Variants in ZNF708 observed in about 807,000 individuals in gnomAD.
ZNF708 encodes zinc finger protein 708, also known as ZNF15, ZNF15L1.
Under a neutral mutation model 47.0 loss-of-function variants are expected in ZNF708, and 44 were observed. The observed-to-expected ratio is 0.94, with a 90% CI of 0.74 to 1.20. ZNF708 has a LOEUF of 1.20. ZNF708 is among the 50% of genes most tolerant of loss of function. The pLI is 0.00. For missense variants in ZNF708, 557 were observed against 656.0 expected, an observed-to-expected ratio of 0.85 and a Z score of 1.65; for synonymous variants, 184 against 218.5, an observed-to-expected ratio of 0.84 and a Z score of 1.39.
At chr19:21,314,391 GTAT>G (rs78560009) in intron 1 of ZNF708, among the ~76,000 whole-genome samples, 2 of 151,940 alleles carry the variant, frequency 1.3e-5, no homozygotes, top group South Asian at 4.1e-4. Flanking sequence ...AGATAAATAT[GTAT>G]TATTAGCAAG....
chr19:21,319,060 A>G (rs1236892793), intron 1 of ZNF708, among the ~76,000 whole-genome samples: 2 of 152,210 alleles, frequency 1.3e-5, no homozygotes, highest in African/African-American at 2.4e-5. Context: ...AATTCAGTTT[A>G]AACATTTTAT....
chr19:21,297,337 T>C (rs1021589797), intron 3 of ZNF708, among the ~76,000 whole-genome samples: 36 of 136,458 alleles, frequency 2.6e-4, no homozygotes, highest in African/African-American at 9.5e-4. Context: ...GCTGGCATGA[T>C]CTCAGCTCAC....
At chr19:21,312,640 G>A (rs1033994415) in intron 1 of ZNF708, among the ~76,000 whole-genome samples, 3 of 152,138 alleles carry the variant, frequency 2.0e-5, no homozygotes, top group African/African-American at 7.2e-5. Context: ...AAATTCACTT[G>A]GTAATTTTGG....
At chr19:21,315,134 G>A (rs1006381666) in intron 1 of ZNF708, among the ~76,000 whole-genome samples, 1 of 152,116 alleles carries the variant, frequency 6.6e-6, no homozygotes, top group Non-Finnish European at 1.5e-5. Flanking sequence ...CTCCTAAGAT[G>A]TTTATTTATA....
chr19:21,315,272 T>C (rs1045705835), intron 1 of ZNF708, among the ~76,000 whole-genome samples: 14 of 152,210 alleles, frequency 9.2e-5, no homozygotes, highest in Non-Finnish European at 1.9e-4. Context: ...AAGGGAGCTG[T>C]AGGATGTCTA....
Position 21,329,032 on chromosome 19 carries a change from G to A in ZNF708, c.3+178C>T, listed in dbSNP as rs558562384. Among the ~76,000 whole-genome samples, 31 of 152,326 alleles carry A rather than the reference G, an allele frequency of 2.0e-4. 1 individual carries two copies. Among genetic ancestry groups the A allele is most frequent in the Middle Eastern group, 3.4e-3 (1 of 294 alleles). On this transcript the variant is annotated intron_variant, in intron 1 of 3. Transcript: ENST00000356929. ...GAAGAGACAGGACGCCCGGGGGCCC[G>A]GCTGTCGGCGCAGCCGCCATCTTAT...
Position 21,294,746 on chromosome 19 carries a change from G to A in ZNF708, c.227-7C>T. Reference sequence around the variant, plus strand: ...GCAAAATGAGAACACATAGCTGAAAGAAATAAAAATAACAAATTATTCCAT... The same window carrying A: ...GCAAAATGAGAACACATAGCTGAAAAAAATAAAAATAACAAATTATTCCAT... On this transcript the variant is annotated splice_region_variant and splice_polypyrimidine_tract_variant and intron_variant, in intron 3 of 3. Coordinates refer to ENST00000356929, the MANE Select transcript of ZNF708 (RefSeq NM_021269.3). 6.4e-7 allele frequency: 1 copy of A among 1,554,548 alleles called. No individual in the cohort carries two copies. Among genetic ancestry groups the A allele is most frequent in the East Asian group, 2.3e-5 (1 of 44,342 alleles).
chr19:21,329,116 A>C, intron 1 of ZNF708, 94 bp downstream of exon 1: 1 of 1,551,092 alleles, frequency 6.4e-7, no homozygotes, highest in Non-Finnish European at 8.9e-7. Flanking sequence ...GATTGTGGAG[A>C]TGACTGCGGG....
At chr19:21,324,919 T>G (rs1188621131) in intron 1 of ZNF708, among the ~76,000 whole-genome samples, 1 of 152,212 alleles carries the variant, frequency 6.6e-6, no homozygotes, top group African/African-American at 2.4e-5. Context: ...CCACATTTTC[T>G]TGTGAAAATG....
At chr19:21,312,503 A>G (rs1450026025) in intron 1 of ZNF708, among the ~76,000 whole-genome samples, 1 of 152,128 alleles carries the variant, frequency 6.6e-6, no homozygotes, top group Non-Finnish European at 1.5e-5. Flanking sequence ...CACCTGGAGC[A>G]ATAAACAGAG....
At position 21,293,368 on chromosome 19, in the gene ZNF708, T is replaced by C. The variant is rs747518536; in HGVS notation, c.1598A>G (p.Lys533Arg). The C allele has an allele frequency of 4.3e-6, 7 of 1,613,746 alleles. No individual in the cohort carries two copies. The South Asian group carries it at 7.7e-5, about 18-fold the overall frequency. ...AAAGGCTTTGCCACATTCTTCACAT[T>C]TGTAGGGTTTCTCTCCAGTATGAAT... Reference protein sequence around the residue: ...KIIHTGEKPYKCEECGKAFNQ... With the variant: ...KIIHTGEKPYRCEECGKAFNQ... The change falls in exon 4 of 4, where the codon AAA (lysine) becomes AGA (arginine). Residue 533 changes from lysine to arginine, a missense_variant. By Grantham distance (26) the Lys-to-Arg change is conservative. Coordinates refer to ENST00000356929, the MANE Select transcript of ZNF708 (RefSeq NM_021269.3).
Position 21,327,895 on chromosome 19 carries a change from A to G in ZNF708, c.3+1315T>C, listed in dbSNP as rs548833928. ...GGGGTTAGCTTTTCAAAGGAAGAGT[A>G]TGCCAGGAGATGCCTCTCAGCCCCA... On this transcript the variant is annotated intron_variant, in intron 1 of 3. Transcript: ENST00000356929. 989 of 556,524 alleles carry G rather than the reference A, an allele frequency of 1.8e-3. 2 individuals are homozygous for G. Among genetic ancestry groups the G allele is most frequent in the Non-Finnish European group, 2.1e-3 (888 of 414,458 alleles). The allele number at this position is 556,524 out of a possible 1,614,324, so 34.5% of individuals were successfully genotyped here. A position where few individuals can be genotyped will look rare whatever the true frequency, so the allele number is the denominator to read the frequency against.
intron 3 of ZNF708, among the ~76,000 whole-genome samples, chr19:21,301,291 A>G (rs796621932): frequency 2.7e-4 from 41 of 152,146 alleles, no homozygotes; most frequent in African/African-American, 7.7e-4. Context: ...AGCCTGGCCA[A>G]CATAGTGAAT....
In ZNF708 at chr19:21,293,710, G is replaced by A. The variant is rs1972450213; in HGVS notation, c.1256C>T (p.Pro419Leu). The change falls in exon 4 of 4, where the codon CCC becomes CTC. Residue 419 changes from proline to leucine, a missense_variant. Physicochemically the swap from Pro to Leu is moderately conservative, Grantham distance 98. Coordinates refer to ENST00000356929, the MANE Select transcript of ZNF708 (RefSeq NM_021269.3). Reference protein sequence around the residue: ...YHKVIHTGKKPYKCEECGKAF... With the variant: ...YHKVIHTGKKLYKCEECGKAF... ...TTTACCACATTCTTCACATTTGTAG[G>A]GTTTCTTTCCAGTATGAATTACCTT... 1 of 1,613,094 alleles carries A rather than the reference G, an allele frequency of 6.2e-7. No homozygotes were observed.
intron 3 of ZNF708, among the ~76,000 whole-genome samples, chr19:21,304,734 G>C (rs532131454): frequency 3.3e-5 from 5 of 152,076 alleles, no homozygotes; most frequent in Non-Finnish European, 5.9e-5. Flanking sequence ...AAATTAACCA[G>C]GGGTAGTAGT....
Position 21,324,084 on chromosome 19 carries a change from A to G in ZNF708, c.3+5126T>C, listed in dbSNP as rs2928200. ...GAAACGTTGTCTCTACTAAAAATAC[A>G]AAAAAAAAAATTAGTCGGGCGTGGT... On this transcript the variant is annotated intron_variant, in intron 1 of 3. Transcript: ENST00000356929. Among the ~76,000 whole-genome samples, 12 of 6,478 alleles carry G rather than the reference A, an allele frequency of 1.9e-3. No homozygotes were observed. The African/African-American group carries it at 0.024, about 13-fold the overall frequency. The allele number at this position is 6,478 out of a possible 152,430, so 4.2% of individuals were successfully genotyped here.
At chr19:21,300,863 T>C (rs1972646074) in intron 3 of ZNF708, among the ~76,000 whole-genome samples, 1 of 151,886 alleles carries the variant, frequency 6.6e-6, no homozygotes, top group Non-Finnish European at 1.5e-5. Flanking sequence ...GGTTTCACTG[T>C]GTTAGCCAGG....
rs1729643560 is a variant in ZNF708 at position 21,291,358 on chromosome 19, G to A, written c.*1916C>T. The A allele has an allele frequency of 6.6e-6, 1 of 151,862 alleles. No individual in the cohort carries two copies. Among genetic ancestry groups the A allele is most frequent in the African/African-American group, 2.4e-5 (1 of 41,338 alleles). The allele number at this position is 151,862 out of a possible 1,614,324, so 9.4% of individuals were successfully genotyped here. A position where few individuals can be genotyped will look rare whatever the true frequency, so the allele number is the denominator to read the frequency against. On this transcript the variant is annotated 3_prime_UTR_variant, in exon 4 of 4. Transcript: ENST00000356929. ...CTCCACTTAGATTTTCATCATGCAT[G>A]TTACATTTTAATGTCCTTACTCTTC...
At chr19:21,296,420 T>C (rs1364342508) in intron 3 of ZNF708, among the ~76,000 whole-genome samples, 1 of 151,994 alleles carries the variant, frequency 6.6e-6, no homozygotes, top group African/African-American at 2.4e-5. Flanking sequence ...GAGAATCGGT[T>C]GGACCTGAGA....
Sources: allele counts gnomAD v4.1 joint callset (sites outside exome capture counted in the v4.1 genomes callset), GRCh38; gene constraint gnomAD v4.1.1; transcripts MANE v1.5; gene names NCBI Gene and HGNC (gene_info 2026-07-23, HGNC 2026-07-21).